The following OSMR variants were observed in gnomAD, a reference collection of about 807,000 sequenced individuals.
OSMR encodes oncostatin M receptor.
Under a neutral mutation model 99.9 loss-of-function variants are expected in OSMR, and 81 were observed. The ratio of observed to expected loss-of-function variants is 0.81; its 90% confidence interval spans 0.68 to 0.97. The LOEUF (loss-of-function observed/expected upper bound fraction) is 0.97. Among genes scored for constraint, OSMR ranks in the 50% least tolerant of loss-of-function variants. The pLI is 0.00. For synonymous variants in OSMR, 406 were observed against 410.4 expected (o/e 0.99, Z 0.13); for missense variants, 1,099 against 1,153.4 (o/e 0.95, Z 0.68).
chr5:38,848,663 A>G (rs1740081890), intron 1 of OSMR, among the ~76,000 whole-genome samples: 1 of 152,210 alleles, frequency 6.6e-6, no homozygotes, highest in Admixed American at 6.5e-5. Flanking sequence ...CATATGTTTT[A>G]AATATGCAAA....
intron 1 of OSMR, among the ~76,000 whole-genome samples, chr5:38,860,932 C>CA (rs1741236754): frequency 6.6e-6 from 1 of 152,134 alleles, no homozygotes; most frequent in African/African-American, 2.4e-5. Context: ...CTCAGCCTCC[C>CA]AAAGTGCTGG....
chr5:38,931,902 C>G lies in OSMR; in HGVS notation c.2232C>G (p.Ile744Met). Residue 744 changes from isoleucine (I) to methionine (M), a missense_variant, in exon 16 of 18, where the codon ATC becomes ATG. Transcript: ENST00000274276. ...PDEHSSMLIHILLPMVFCVLL... is the reference protein window; with the variant it reads ...PDEHSSMLIHMLLPMVFCVLL... ...GTTCAGCCTCGATGCTGATTCATATCCTACTGCCCATGGTTTTCTGCGTCT... is the reference window on the plus strand; with the variant it reads ...GTTCAGCCTCGATGCTGATTCATATGCTACTGCCCATGGTTTTCTGCGTCT... 5 of 1,613,562 alleles carry G rather than the reference C, an allele frequency of 3.1e-6. No homozygotes were observed. Among genetic ancestry groups the G allele is most frequent in the Non-Finnish European group, 4.2e-6 (5 of 1,179,528 alleles).
At position 38,883,974 on chromosome 5, in the gene OSMR, A is replaced by G. The variant is rs1302761298; in HGVS notation, c.566A>G (p.Glu189Gly). ...CYLEGKQIHG[E>G]QLDPHVTAFN... ...TTGGAAGGGAAACAGATTCATGGAGAACAACTTGATCCACATGTAACTGCA... is the reference window on the plus strand; with the variant it reads ...TTGGAAGGGAAACAGATTCATGGAGGACAACTTGATCCACATGTAACTGCA... Residue 189 changes from glutamate (E) to glycine (G), a missense_variant, in exon 5 of 18, where the codon GAA becomes GGA. Glu to Gly is a moderately conservative substitution (Grantham distance 98). Transcript: ENST00000274276. 1 of 1,613,736 alleles carries G rather than the reference A, an allele frequency of 6.2e-7. No individual in the cohort carries two copies. Among genetic ancestry groups the G allele is most frequent in the Non-Finnish European group, 8.5e-7 (1 of 1,179,706 alleles).
chr5:38,891,700 A>G (rs1005093686), intron 7 of OSMR, among the ~76,000 whole-genome samples: 2 of 152,214 alleles, frequency 1.3e-5, no homozygotes, highest in Admixed American at 6.5e-5. Context: ...TTAGAGAGGT[A>G]CCATTCAAGA....
chr5:38,938,694 AT>A (rs1747224618), downstream of OSMR: 1 of 232,652 alleles, frequency 4.3e-6, no homozygotes, highest in South Asian at 1.8e-4. Context: ...TCCTAGAAAG[AT>A]TCTCACAGAT....
intron 1 of OSMR, among the ~76,000 whole-genome samples, chr5:38,862,728 C>G (rs372609497): frequency 4.0e-3 from 512 of 126,860 alleles, no homozygotes; most frequent in South Asian, 4.6e-3. Flanking sequence ...GGATGGCGGC[C>G]GGGAAGAGGC....
chr5:38,931,251 G>A (rs952691415), intron 15 of OSMR, among the ~76,000 whole-genome samples: 1 of 152,102 alleles, frequency 6.6e-6, no homozygotes, highest in African/African-American at 2.4e-5. Flanking sequence ...CAAAAGCTCC[G>A]TGGCATACAA....
intron 15 of OSMR, 71 bp from the exon 16 acceptor site, chr5:38,931,812 A>C: frequency 1.3e-6 from 2 of 1,579,392 alleles, no homozygotes; most frequent in Non-Finnish European, 1.7e-6. Flanking sequence ...TTCAATCATA[A>C]ACTTGTATTT....
intron 1 of OSMR, chr5:38,940,725 G>A (rs1579841124): frequency 4.3e-6 from 1 of 232,688 alleles, no homozygotes; most frequent in East Asian, 6.1e-5. Context: ...GAAGTGAGAT[G>A]AAATGCTTCA....
intron 9 of OSMR, among the ~76,000 whole-genome samples, chr5:38,916,780 C>T (rs1396251071): frequency 6.6e-6 from 1 of 152,132 alleles, no homozygotes; most frequent in East Asian, 1.9e-4. Context: ...AGGTTGTTTT[C>T]TGAGTTCCTT....
intron 2 of OSMR, among the ~76,000 whole-genome samples, chr5:38,873,653 C>T (rs1270069136): frequency 6.6e-6 from 1 of 152,108 alleles, no homozygotes; most frequent in African/African-American, 2.4e-5. Flanking sequence ...CTTGTTATTT[C>T]CATTTTAAAA....
At chr5:38,857,529 A>G (rs1740946217) in intron 1 of OSMR, among the ~76,000 whole-genome samples, 1 of 152,150 alleles carries the variant, frequency 6.6e-6, no homozygotes, top group Admixed American at 6.6e-5. Context: ...ATAATTATAC[A>G]TAATTATGGG....
At chr5:38,879,542 G>T (rs1250538056) in intron 3 of OSMR, among the ~76,000 whole-genome samples, 1 of 151,970 alleles carries the variant, frequency 6.6e-6, no homozygotes, top group Non-Finnish European at 1.5e-5. Flanking sequence ...TCTGTGACTT[G>T]TTGGCATTAG....
rs357252 is a variant in OSMR, at chr5:38,934,999, G to C, written c.*1555G>C. 98,094 of 151,558 alleles carry C rather than the reference G, an allele frequency of 0.65. 32,052 individuals carry two copies. The highest frequency in any genetic ancestry group is 0.75 in the African/African-American group (30,835 of 41,360). The allele number at this position is 151,558 out of a possible 1,614,324, so 9.4% of individuals were successfully genotyped here. A position where few individuals can be genotyped will look rare whatever the true frequency, so the allele number is the denominator to read the frequency against. ...TACAGGCATGCACCACCACACCCAG[G>C]TAATTTTGTATCTTTAGTAGAGATG... is the stretch of plus-strand genomic sequence containing the variant. On this transcript the variant is annotated 3_prime_UTR_variant, in exon 18 of 18. Transcript: ENST00000274276.
intron 1 of OSMR, among the ~76,000 whole-genome samples, chr5:38,854,205 A>G (rs1453726412): frequency 6.6e-6 from 1 of 152,156 alleles, no homozygotes; most frequent in Non-Finnish European, 1.5e-5. Flanking sequence ...TTTGCATAAG[A>G]CATCATCAGG....
chr5:38,922,457 C>T (rs1376041812), intron 12 of OSMR, among the ~76,000 whole-genome samples: 1 of 152,154 alleles, frequency 6.6e-6, no homozygotes, highest in Non-Finnish European at 1.5e-5. Context: ...GCTTTCAAGA[C>T]TATTGGCTTT....
chr5:38,896,778 C>T (rs183346183), intron 7 of OSMR, among the ~76,000 whole-genome samples: 9 of 151,846 alleles, frequency 5.9e-5, no homozygotes, highest in East Asian at 1.9e-4. Context: ...ATACTAGCTA[C>T]GGGTCTGTCG....
chr5:38,926,179 A>T (rs769709018), intron 15 of OSMR, among the ~76,000 whole-genome samples: 26 of 152,194 alleles, frequency 1.7e-4, no homozygotes, highest in Non-Finnish European at 3.1e-4. Context: ...CACCCATGAA[A>T]AGCAAATAGA....
In OSMR at chr5:38,934,842, A is replaced by ATTTAT. The variant is rs1746943165; in HGVS notation, c.*1402_*1406dup. On this transcript the variant is annotated 3_prime_UTR_variant, in exon 18 of 18. Coordinates refer to ENST00000274276, the MANE Select transcript of OSMR (RefSeq NM_003999.3). ...TATTTGTCACATTTATTTTACTTTTATTTATTTTTTGAGATGAAATTTCGC... is the reference window on the plus strand; with the variant it reads ...TATTTGTCACATTTATTTTACTTTTATTTATTTTATTTTTTGAGATGAAATTTCGC... The ATTTAT allele has an allele frequency of 6.7e-6, 1 of 150,012 alleles. No individual in the cohort carries two copies. The highest frequency in any genetic ancestry group is 2.1e-4 in the South Asian group (1 of 4,738). The allele number at this position is 150,012 out of a possible 1,614,324, so 9.3% of individuals were successfully genotyped here.
Sources: allele counts gnomAD v4.1 joint callset (sites outside exome capture counted in the v4.1 genomes callset), GRCh38; gene constraint gnomAD v4.1.1; transcripts MANE v1.5; gene names NCBI Gene and HGNC (gene_info 2026-07-23, HGNC 2026-07-21).